NEMP2: variants seen among roughly 807,000 people sequenced by gnomAD.
NEMP2 encodes the protein nuclear envelope integral membrane protein 2.
NEMP2 carries 53 observed loss-of-function variants against 54.2 expected under a neutral mutation model. The observed-to-expected ratio is 0.98, with a 90% CI of 0.78 to 1.23. The LOEUF (loss-of-function observed/expected upper bound fraction) is 1.23. Ranked by LOEUF, NEMP2 falls within the 50% of genes most tolerant of loss-of-function variation. The pLI is 0.00. For synonymous variants in NEMP2, 197 were observed against 190.3 expected, an observed-to-expected ratio of 1.04 and a Z score of -0.29; for missense variants, 455 against 511.3, an observed-to-expected ratio of 0.89 and a Z score of 1.06.
the NEMP2 span, among the ~76,000 whole-genome samples, chr2:190,451,185 T>C: frequency 6.6e-6 from 1 of 152,252 alleles, no homozygotes; most frequent in Non-Finnish European, 1.5e-5. This position sits in a 1 kb window ranked among gnomAD's most constrained non-coding sequence, Gnocchi z 5.0. Flanking sequence ...GCATTTGATC[T>C]AGATTCAAAT....
At chr2:190,558,884 T>G in the NEMP2 span, among the ~76,000 whole-genome samples, 1 of 152,242 alleles carries the variant, frequency 6.6e-6, no homozygotes, top group Non-Finnish European at 1.5e-5. The surrounding 1 kb of genome is among the most constrained non-coding windows in gnomAD (Gnocchi z 4.4). Flanking sequence ...AGATTATGGA[T>G]AGCATATATA....
the NEMP2 span, among the ~76,000 whole-genome samples, chr2:190,442,384 G>A: frequency 6.6e-6 from 1 of 152,144 alleles, no homozygotes; most frequent in Non-Finnish European, 1.5e-5. Flanking sequence ...TGGATGCTGG[G>A]ATCAGTAACC....
At chr2:190,598,038 C>T in the NEMP2 span, among the ~76,000 whole-genome samples, 1 of 152,176 alleles carries the variant, frequency 6.6e-6, no homozygotes, top group Non-Finnish European at 1.5e-5. Context: ...TCATTGTCTT[C>T]TTCGTTGTGG....
the NEMP2 span, among the ~76,000 whole-genome samples, chr2:190,486,430 C>T: frequency 6.6e-6 from 1 of 152,220 alleles, no homozygotes; most frequent in Admixed American, 6.5e-5. Flanking sequence ...GCATTCTGCC[C>T]TGGAACTCTA....
chr2:190,620,172 C>A, the NEMP2 span: 1 of 152,294 alleles, frequency 6.6e-6, no homozygotes, highest in African/African-American at 2.4e-5. The surrounding 1 kb of genome is among the most constrained non-coding windows in gnomAD (Gnocchi z 4.9). Context: ...AGACAGTTTT[C>A]TAGAGTTGAC....
the NEMP2 span, among the ~76,000 whole-genome samples, chr2:190,475,508 T>A: frequency 6.6e-6 from 1 of 152,260 alleles, no homozygotes; most frequent in South Asian, 2.1e-4. Context: ...TTATAAGGGA[T>A]ATGAAGGACC....
the NEMP2 span, among the ~76,000 whole-genome samples, chr2:190,643,647 G>A: frequency 3.2e-4 from 48 of 152,170 alleles, no homozygotes; most frequent in Non-Finnish European, 5.6e-4. Flanking sequence ...TTAGGTACTC[G>A]ATACATGTTA....
the NEMP2 span, among the ~76,000 whole-genome samples, chr2:190,567,730 C>T: frequency 6.6e-6 from 1 of 152,162 alleles, no homozygotes; most frequent in African/African-American, 2.4e-5. The surrounding 1 kb of genome is among the most constrained non-coding windows in gnomAD (Gnocchi z 4.0). Flanking sequence ...CTCACTGCAA[C>T]CTCTGCCTCT....
chr2:190,644,201 A>G, the NEMP2 span, among the ~76,000 whole-genome samples: 389 of 152,318 alleles, frequency 2.6e-3, no homozygotes, highest in Non-Finnish European at 3.8e-3. The surrounding 1 kb of genome is among the most constrained non-coding windows in gnomAD (Gnocchi z 4.4). Context: ...TTCAGCAAGT[A>G]TTAGAAGGAT....
chr2:190,550,543 G>C, the NEMP2 span, among the ~76,000 whole-genome samples: 1 of 152,078 alleles, frequency 6.6e-6, no homozygotes, highest in African/African-American at 2.4e-5. The surrounding 1 kb of genome is among the most constrained non-coding windows in gnomAD (Gnocchi z 4.7). Context: ...TTTATTCCAC[G>C]TTACACACAC....
the NEMP2 span, among the ~76,000 whole-genome samples, chr2:190,573,922 G>A: frequency 1.1e-4 from 17 of 152,072 alleles, no homozygotes; most frequent in Admixed American, 5.9e-4. Flanking sequence ...CTAATCTTCA[G>A]AATAAATTTG....
the NEMP2 span, among the ~76,000 whole-genome samples, chr2:190,615,257 T>G: frequency 1.3e-5 from 2 of 152,312 alleles, no homozygotes; most frequent in African/African-American, 4.8e-5. This position sits in a 1 kb window ranked among gnomAD's most constrained non-coding sequence, Gnocchi z 4.7. Flanking sequence ...AAGCTACAGA[T>G]CAGAGGTTCA....
the NEMP2 span, among the ~76,000 whole-genome samples, chr2:190,476,404 G>A: frequency 2.0e-5 from 3 of 152,170 alleles, no homozygotes; most frequent in Admixed American, 2.0e-4. Flanking sequence ...GATATGAACA[G>A]ACTCTTCTCA....
chr2:190,549,842 A>C, the NEMP2 span, among the ~76,000 whole-genome samples: 44 of 152,332 alleles, frequency 2.9e-4, no homozygotes, highest in African/African-American at 1.1e-3. Context: ...TTAGATTTCA[A>C]AGCAAAACGT....
chr2:190,497,392 A>G, the NEMP2 span: 1 of 1,584,730 alleles, frequency 6.3e-7, no homozygotes, highest in Non-Finnish European at 8.6e-7. The surrounding 1 kb of genome is among the most constrained non-coding windows in gnomAD (Gnocchi z 5.2). Flanking sequence ...TTGTTCAAAT[A>G]TGTAGAAAAT....
chr2:190,565,509 T>A, the NEMP2 span, among the ~76,000 whole-genome samples: 1 of 152,170 alleles, frequency 6.6e-6, no homozygotes, highest in Non-Finnish European at 1.5e-5. Context: ...TTAGGGTTTG[T>A]CCTTGGGACC....
the NEMP2 span, chr2:190,436,667 CT>C: frequency 6.2e-7 from 1 of 1,614,242 alleles, no homozygotes; most frequent in Non-Finnish European, 8.5e-7. The surrounding 1 kb of genome is among the most constrained non-coding windows in gnomAD (Gnocchi z 5.3). Flanking sequence ...GACACCGTTA[CT>C]TTGCCAACAG....
the NEMP2 span, chr2:190,609,541 C>T: frequency 1.4e-4 from 21 of 152,232 alleles, no homozygotes; most frequent in African/African-American, 4.8e-4. This position sits in a 1 kb window ranked among gnomAD's most constrained non-coding sequence, Gnocchi z 4.7. Flanking sequence ...AAAGCCTAGG[C>T]AAAACTCTTG....
the NEMP2 span, among the ~76,000 whole-genome samples, chr2:190,476,564 G>A: frequency 6.6e-6 from 1 of 152,188 alleles, no homozygotes; most frequent in South Asian, 2.1e-4. Context: ...ACAGGTGCTG[G>A]AGAGGATGTG....
Sources: gnomAD v4.1 joint callset for allele counts (sites outside exome capture counted in the v4.1 genomes callset) on GRCh38, gnomAD v4.1.1 for gene constraint, Gnocchi (gnomAD v3.1) non-coding constraint, MANE v1.5 for transcripts, NCBI Gene and HGNC (gene_info 2026-07-23, HGNC 2026-07-21) for gene names.